The following FNDC3A variants were observed in gnomAD, a reference collection of about 807,000 sequenced individuals.
FNDC3A encodes the protein fibronectin type-III domain-containing protein 3A.
Under a neutral mutation model 148.9 loss-of-function variants are expected in FNDC3A, and 32 were observed. That is an observed-to-expected ratio of 0.21 (90% CI 0.16 to 0.29). FNDC3A has a LOEUF of 0.29. FNDC3A is among the 10% of genes least tolerant of loss of function. The pLI is 1.00. For synonymous variants in FNDC3A, 472 were observed against 473.6 expected (o/e 1.00, Z 0.04); for missense variants, 1,191 against 1,452.8 (o/e 0.82, Z 2.93).
chr13:48,975,739 G>A (rs1451662599), upstream of FNDC3A: 1 of 152,098 alleles, frequency 6.6e-6, no homozygotes, highest in African/African-American at 2.4e-5. Context: ...TGGGCGCTCC[G>A]GGAGCCAAAC....
chr13:49,144,517 AGTT>A (rs1016718115), intron 7 of FNDC3A, among the ~76,000 whole-genome samples: 27 of 152,194 alleles, frequency 1.8e-4, no homozygotes, highest in Non-Finnish European at 3.5e-4. Flanking sequence ...ATGCTAAGGT[AGTT>A]GTTAAACATA....
chr13:49,159,290 T>G (rs1247885377), intron 8 of FNDC3A, among the ~76,000 whole-genome samples: 1 of 152,218 alleles, frequency 6.6e-6, no homozygotes, highest in Non-Finnish European at 1.5e-5. Context: ...TCCTCTTTTA[T>G]CTCATTGAGC....
intron 1 of FNDC3A, among the ~76,000 whole-genome samples, chr13:48,998,758 G>A (rs1490140461): frequency 6.6e-6 from 1 of 152,172 alleles, no homozygotes; most frequent in Admixed American, 6.5e-5. Context: ...AGAACATTTG[G>A]AAGAGAACAT....
At chr13:49,004,014 G>A (rs886112113) in intron 1 of FNDC3A, among the ~76,000 whole-genome samples, 4 of 152,174 alleles carry the variant, frequency 2.6e-5, no homozygotes, top group Non-Finnish European at 1.5e-5. Flanking sequence ...TTGGTAGTTT[G>A]AAGTGGGCTG....
chr13:49,081,403 A>T (rs1319250196), intron 3 of FNDC3A, among the ~76,000 whole-genome samples: 1 of 152,218 alleles, frequency 6.6e-6, no homozygotes, highest in African/African-American at 2.4e-5. Flanking sequence ...TTAATACTTT[A>T]ATAGGGCAGT....
intron 1 of FNDC3A, among the ~76,000 whole-genome samples, chr13:48,991,531 T>TAA (rs1951917194): frequency 6.6e-6 from 1 of 151,576 alleles, no homozygotes; most frequent in Non-Finnish European, 1.5e-5. Context: ...TACAAAAAAA[T>TAA]ACAAAAATTA....
intron 1 of FNDC3A, among the ~76,000 whole-genome samples, chr13:48,984,804 C>A (rs1055243517): frequency 2.0e-5 from 3 of 152,142 alleles, no homozygotes; most frequent in Non-Finnish European, 4.4e-5. Context: ...CCTGCCTCAG[C>A]CTCCCAAGTA....
chr13:49,015,136 A>G (rs190016092), intron 2 of FNDC3A, among the ~76,000 whole-genome samples: 2,609 of 152,270 alleles, frequency 0.017, 34 homozygotes, highest in Non-Finnish European at 0.029. Flanking sequence ...TTCTGTGAAG[A>G]AAGTCATTGG....
At chr13:49,010,563 G>A (rs1308461728) in intron 2 of FNDC3A, among the ~76,000 whole-genome samples, 1 of 152,126 alleles carries the variant, frequency 6.6e-6, no homozygotes, top group Non-Finnish European at 1.5e-5. Flanking sequence ...AACACAGAAT[G>A]TGCCCTCAGC....
At chr13:49,166,554 C>A (rs1243255955) in intron 8 of FNDC3A, among the ~76,000 whole-genome samples, 2 of 152,180 alleles carry the variant, frequency 1.3e-5, no homozygotes, top group Non-Finnish European at 2.9e-5. Context: ...CAATGTCTTG[C>A]ACAACTCCAG....
intron 4 of FNDC3A, among the ~76,000 whole-genome samples, chr13:49,123,271 G>A (rs1163205367): frequency 2.0e-5 from 3 of 152,158 alleles, no homozygotes; most frequent in Non-Finnish European, 4.4e-5. Context: ...TTAATAAATT[G>A]TGTTGGGAAT....
chr13:49,171,626 C>T (rs1884760238), intron 10 of FNDC3A, among the ~76,000 whole-genome samples: 1 of 152,146 alleles, frequency 6.6e-6, no homozygotes, highest in Non-Finnish European at 1.5e-5. Context: ...TCTCAGAGCT[C>T]CTTTCAGCAC....
chr13:49,067,361 C>T (rs1877335340), intron 2 of FNDC3A, among the ~76,000 whole-genome samples: 1 of 152,174 alleles, frequency 6.6e-6, no homozygotes. Context: ...ATCCTTCTCT[C>T]TGTGCAGATT....
chr13:48,998,161 A>G (rs1302096836), intron 1 of FNDC3A, among the ~76,000 whole-genome samples: 1 of 152,218 alleles, frequency 6.6e-6, no homozygotes, highest in Non-Finnish European at 1.5e-5. Context: ...TGACTGAATT[A>G]TGCTCATGTT....
At position 49,205,706 on chromosome 13, in the gene FNDC3A, CATT is replaced by C. The variant is rs576857629; in HGVS notation, c.3283-1372_3283-1370del. 1.1e-4 allele frequency among the ~76,000 whole-genome samples: 17 copies of C among 152,294 alleles called. No homozygotes were observed. In the South Asian group the frequency reaches 3.5e-3, roughly 32 times the overall value. ...CATTTCTACATTCTATTCCCTGAAA[CATT>C]ATGCATCCTTAGAACTAATGTATAG... On this transcript the variant is annotated intron_variant, in intron 25 of 25. Coordinates refer to ENST00000492622, the MANE Select transcript of FNDC3A (RefSeq NM_001079673.2).
At chr13:49,021,348 C>T (rs1386580792) in intron 2 of FNDC3A, among the ~76,000 whole-genome samples, 1 of 152,144 alleles carries the variant, frequency 6.6e-6, no homozygotes, top group Non-Finnish European at 1.5e-5. Context: ...ACACATGCTC[C>T]CCAGGGGGAA....
chr13:49,159,875 A>G (rs1473736097), intron 8 of FNDC3A, among the ~76,000 whole-genome samples: 1 of 152,100 alleles, frequency 6.6e-6, no homozygotes, highest in African/African-American at 2.4e-5. Context: ...ATTGAGATAA[A>G]CATGTGGTTT....
At chr13:49,068,692 G>T (rs986951807) in intron 2 of FNDC3A, among the ~76,000 whole-genome samples, 1 of 152,170 alleles carries the variant, frequency 6.6e-6, no homozygotes, top group Non-Finnish European at 1.5e-5. Flanking sequence ...AGAAAATGTG[G>T]TACATATACA....
intron 2 of FNDC3A, among the ~76,000 whole-genome samples, chr13:49,050,721 T>C (rs915322737): frequency 6.6e-6 from 1 of 152,328 alleles, no homozygotes; most frequent in East Asian, 1.9e-4. Context: ...TGATGATCTG[T>C]CTAATGCTGT....
Sources: gnomAD v4.1 joint callset for allele counts (sites outside exome capture counted in the v4.1 genomes callset) on GRCh38, gnomAD v4.1.1 for gene constraint, MANE v1.5 for transcripts, NCBI Gene and HGNC (gene_info 2026-07-23, HGNC 2026-07-21) for gene names.